LSAMP: variants seen among roughly 807,000 people sequenced by gnomAD.
LSAMP encodes limbic system associated membrane protein.
A neutral mutation model predicts 38.6 loss-of-function variants in LSAMP; 7 were observed. The ratio of observed to expected loss-of-function variants is 0.18; its 90% CI spans 0.10 to 0.34. The LOEUF (loss-of-function observed/expected upper bound fraction) is 0.34. LSAMP is among the 10% of genes least tolerant of loss of function. The pLI is 1.00. For synonymous variants in LSAMP, 154 were observed against 166.8 expected (o/e 0.92, Z 0.59); for missense variants, 313 against 420.0 (o/e 0.75, Z 2.23).
At chr3:116,105,177 G>GGAA (rs71616342) in intron 1 of LSAMP, among the ~76,000 whole-genome samples, 1 of 143,800 alleles carries the variant, frequency 7.0e-6, no homozygotes, top group African/African-American at 2.5e-5. Flanking sequence ...TGACTAGGGG[G>GGAA]AAAAAAAAAA....
chr3:116,232,521 G>A (rs1156653129), intron 1 of LSAMP, among the ~76,000 whole-genome samples: 1 of 152,124 alleles, frequency 6.6e-6, no homozygotes, highest in Non-Finnish European at 1.5e-5. Flanking sequence ...AAAGCCTGCT[G>A]ACTGTTCAGC....
chr3:115,977,624 C>A (rs1267003963), intron 3 of LSAMP, among the ~76,000 whole-genome samples: 1 of 151,970 alleles, frequency 6.6e-6, no homozygotes, highest in Admixed American at 6.6e-5. Context: ...ATCTAAATGA[C>A]TCCTTCTTAC....
In LSAMP at chr3:116,221,844, A is replaced by AGC. The variant is rs1553714882; in HGVS notation, c.156-135289_156-135288insGC. ...AACATTCTGCGTGATCCTAAAAAGA[A>AGC]GTGTGTGTGTGTGTGTGTGTGTGTG... On this transcript the variant is annotated intron_variant, in intron 1 of 6. Transcript: ENST00000490035. 5.6e-4 allele frequency among the ~76,000 whole-genome samples: 81 copies of AGC among 145,370 alleles called. 1 individual carries two copies. Among genetic ancestry groups the AGC allele is most frequent in the Admixed American group, 1.0e-3 (15 of 14,576 alleles).
intron 3 of LSAMP, among the ~76,000 whole-genome samples, chr3:115,860,500 C>T (rs1935643943): frequency 6.6e-6 from 1 of 152,164 alleles, no homozygotes; most frequent in Non-Finnish European, 1.5e-5. Flanking sequence ...ATTTCCAAAG[C>T]AATGCAGCTC....
chr3:115,879,727 G>A (rs1024864225), intron 3 of LSAMP, among the ~76,000 whole-genome samples: 3 of 151,472 alleles, frequency 2.0e-5, no homozygotes, highest in Non-Finnish European at 4.4e-5. Flanking sequence ...ATGTGTAGAT[G>A]AGAAATAATG....
chr3:116,249,402 T>G (rs76754546), intron 1 of LSAMP, among the ~76,000 whole-genome samples: 1 of 140,920 alleles, frequency 7.1e-6, no homozygotes, highest in African/African-American at 2.6e-5. Context: ...TTTTTTTTTT[T>G]GAGATGGGAG....
intron 1 of LSAMP, among the ~76,000 whole-genome samples, chr3:116,101,960 G>A (rs916918625): frequency 6.6e-6 from 1 of 152,094 alleles, no homozygotes; most frequent in African/African-American, 2.4e-5. Context: ...AGTTTATAGA[G>A]GGATTGTGAT....
At position 115,934,328 on chromosome 3, in the gene LSAMP, C is replaced by A. The variant is rs370064662; in HGVS notation, c.515-81711G>T. On this transcript the variant is annotated intron_variant, in intron 3 of 6. Transcript: ENST00000490035. The stretch of plus-strand genomic sequence containing the variant: ...CAATAGGTTGGATTACAGGCGCCCG[C>A]CACCATGCCCGGCTAATTTTTGTAT... Among the ~76,000 whole-genome samples the A allele has an allele frequency of 5.1e-4, 78 of 152,030 alleles. 1 individual carries two copies. In the South Asian group the frequency reaches 0.016, roughly 30 times the overall value.
At chr3:115,852,320 C>T (rs1935359860) in intron 4 of LSAMP, among the ~76,000 whole-genome samples, 163 bp downstream of exon 4, 1 of 152,166 alleles carries the variant, frequency 6.6e-6, no homozygotes. Flanking sequence ...ATTCAAAGAC[C>T]AAGTCCTGCC....
intron 2 of LSAMP, among the ~76,000 whole-genome samples, chr3:116,041,937 A>G (rs1941183739): frequency 6.6e-6 from 1 of 151,978 alleles, no homozygotes; most frequent in Admixed American, 6.6e-5. Context: ...ATATGTTTGG[A>G]TGATTAATTT....
intron 3 of LSAMP, among the ~76,000 whole-genome samples, chr3:115,968,392 C>T (rs1288392645): frequency 1.3e-5 from 2 of 152,258 alleles, no homozygotes; most frequent in African/African-American, 2.4e-5. Flanking sequence ...GGTCCAAGTG[C>T]TCTTTAGTCA....
intron 1 of LSAMP, among the ~76,000 whole-genome samples, chr3:116,186,056 G>A (rs1354834746): frequency 6.6e-6 from 1 of 151,984 alleles, no homozygotes; most frequent in East Asian, 1.9e-4. Flanking sequence ...TAAAGGCAAA[G>A]AATGAATGAA....
chr3:115,845,210 T>C (rs1273078740), intron 4 of LSAMP, among the ~76,000 whole-genome samples: 1 of 151,558 alleles, frequency 6.6e-6, no homozygotes. Context: ...TCAATAAATA[T>C]TAGTTTCCAG....
chr3:116,272,752 TG>T (rs1047738432), intron 1 of LSAMP, among the ~76,000 whole-genome samples: 1 of 152,176 alleles, frequency 6.6e-6, no homozygotes, highest in Non-Finnish European at 1.5e-5. Context: ...TCCTCCTGTA[TG>T]TGTAAGAATC....
chr3:116,264,972 G>A (rs539511435), intron 1 of LSAMP, among the ~76,000 whole-genome samples: 37 of 152,232 alleles, frequency 2.4e-4, no homozygotes, highest in African/African-American at 8.4e-4. Context: ...TCCAACCTTA[G>A]AATCATTTGG....
At chr3:116,299,763 A>G (rs2047382722) in intron 1 of LSAMP, among the ~76,000 whole-genome samples, 1 of 152,200 alleles carries the variant, frequency 6.6e-6, no homozygotes, top group African/African-American at 2.4e-5. Context: ...TACAGCTCAG[A>G]AAAGAAACAA....
chr3:116,118,903 A>G (rs1437929690), intron 1 of LSAMP, among the ~76,000 whole-genome samples: 1 of 152,212 alleles, frequency 6.6e-6, no homozygotes, highest in Non-Finnish European at 1.5e-5. Context: ...GATCATGCAG[A>G]TCAGTGCTTT....
intron 2 of LSAMP, among the ~76,000 whole-genome samples, 187 bp downstream of exon 2, chr3:116,086,137 T>A (rs1384422710): frequency 6.6e-6 from 1 of 152,166 alleles, no homozygotes; most frequent in Non-Finnish European, 1.5e-5. Context: ...GTAACAGGAG[T>A]ACACTCTCTA....
At chr3:116,289,165 A>G (rs1341889670) in intron 1 of LSAMP, among the ~76,000 whole-genome samples, 1 of 152,218 alleles carries the variant, frequency 6.6e-6, no homozygotes, top group Non-Finnish European at 1.5e-5. Flanking sequence ...AAACACACCA[A>G]TTTATAAAAG....
Sources: gnomAD v4.1 joint callset for allele counts (sites outside exome capture counted in the v4.1 genomes callset) on GRCh38, gnomAD v4.1.1 for gene constraint, MANE v1.5 for transcripts, NCBI Gene and HGNC (gene_info 2026-07-23, HGNC 2026-07-21) for gene names.